The following FANCA variants were observed in gnomAD, a reference collection of about 807,000 sequenced individuals.
FANCA encodes the protein FA complementation group A.
A neutral mutation model predicts 194.3 loss-of-function variants in FANCA; 236 were observed. That is an observed-to-expected ratio of 1.21 (90% CI 1.09 to 1.35). The LOEUF is 1.35. Among genes scored for constraint, FANCA ranks in the 40% most tolerant of loss-of-function variants. The pLI is 0.00. For synonymous variants in FANCA, 1,014 were observed against 715.8 expected, an observed-to-expected ratio of 1.42 and a Z score of -6.65; for missense variants, 2,628 against 1,813.9, an observed-to-expected ratio of 1.45 and a Z score of -8.15.
rs2040858864 is a variant in FANCA, at chr16:89,811,015, C to G, written c.340G>C (p.Ala114Pro). ...RLGVPVGILSAGMVASSVGQI... is the reference protein window; with the variant it reads ...RLGVPVGILSPGMVASSVGQI... ...CCCACGCTAGAGGCAACCATCCCGG[C>G]TGAGAGAATACCCACGGGAACCCCC... is the stretch of plus-strand genomic sequence containing the variant. Residue 114 changes from alanine to proline, a missense_variant, in exon 4 of 43, where the codon GCC becomes CCC. Physicochemically the swap from Ala to Pro is conservative, Grantham distance 27. Transcript: ENST00000389301. The G allele has an allele frequency of 6.2e-7, 1 of 1,614,076 alleles. No homozygotes were observed. Among genetic ancestry groups the G allele is most frequent in the Non-Finnish European group, 8.5e-7 (1 of 1,180,034 alleles).
chr16:89,759,518 T>G (rs1459420394), intron 29 of FANCA, among the ~76,000 whole-genome samples: 1 of 151,730 alleles, frequency 6.6e-6, no homozygotes, highest in South Asian at 2.1e-4. Context: ...CCCAGCACTG[T>G]GGGAGGCCAA....
At chr16:89,744,210 C>G (rs2062195113) in intron 36 of FANCA, among the ~76,000 whole-genome samples, 1 of 152,190 alleles carries the variant, frequency 6.6e-6, no homozygotes, top group African/African-American at 2.4e-5. Context: ...TCTCTTCTTT[C>G]AGCAGACGGC....
intron 28 of FANCA, among the ~76,000 whole-genome samples, chr16:89,764,436 G>C (rs1046607745): frequency 6.6e-5 from 10 of 152,030 alleles, no homozygotes; most frequent in African/African-American, 2.4e-4. Context: ...CTCCCAAGTA[G>C]CTGGAACCAA....
intron 10 of FANCA, among the ~76,000 whole-genome samples, chr16:89,796,554 G>T (rs1004191123): frequency 9.2e-5 from 14 of 152,160 alleles, no homozygotes; most frequent in Non-Finnish European, 1.3e-4. Context: ...GAGAGAACAC[G>T]ATGTTCTGGG....
chr16:89,768,840 C>G (rs370948131), intron 26 of FANCA, among the ~76,000 whole-genome samples: 6 of 152,182 alleles, frequency 3.9e-5, no homozygotes, highest in African/African-American at 1.4e-4. Flanking sequence ...CTGTCTCCCC[C>G]AAGCCACCTG....
intron 30 of FANCA, among the ~76,000 whole-genome samples, chr16:89,754,982 C>T (rs1041898503): frequency 1.3e-5 from 2 of 152,124 alleles, no homozygotes; most frequent in African/African-American, 2.4e-5. Context: ...TCACACTTCC[C>T]AATTTTAAAA....
chr16:89,799,631 A>T lies in FANCA; in HGVS notation c.800T>A (p.Val267Asp). The T allele has an allele frequency of 6.2e-7, 1 of 1,613,376 alleles. No homozygotes were observed. The highest frequency in any genetic ancestry group is 8.5e-7 in the Non-Finnish European group (1 of 1,179,322). Residue 267 changes from valine to aspartate, a missense_variant, in exon 9 of 43, where the codon GTT becomes GAT. Coordinates refer to ENST00000389301, the MANE Select transcript of FANCA (RefSeq NM_000135.4). The part of the protein sequence containing the change: ...VEPEKMPQVT[V>D]DVLQRMLIFA... ...AATCAGCATTCTCTGCAGTACATCAACCGTGACCTGTCAAAATAGAATGTG... is the reference window on the plus strand; with the variant it reads ...AATCAGCATTCTCTGCAGTACATCATCCGTGACCTGTCAAAATAGAATGTG...
At chr16:89,757,802 C>T (rs1299837500) in intron 30 of FANCA, among the ~76,000 whole-genome samples, 1 of 152,238 alleles carries the variant, frequency 6.6e-6, no homozygotes, top group African/African-American at 2.4e-5. Context: ...CCAGGATCTA[C>T]TAGGCCATTT....
intron 6 of FANCA, among the ~76,000 whole-genome samples, 156 bp downstream of exon 6, chr16:89,808,138 G>C (rs924215361): frequency 2.0e-4 from 30 of 152,090 alleles, no homozygotes; most frequent in Admixed American, 2.0e-3. Context: ...AGTTCCTCCA[G>C]GTCTAGTCTA....
intron 14 of FANCA, 34 bp from the exon 15 acceptor site, chr16:89,784,998 G>A: frequency 6.7e-7 from 1 of 1,503,404 alleles, no homozygotes; most frequent in Non-Finnish European, 9.3e-7. Flanking sequence ...GCCCAGGACA[G>A]CCAGGCGCGG....
intron 29 of FANCA, among the ~76,000 whole-genome samples, chr16:89,761,420 G>GAAAAAAA (rs56659330): frequency 3.1e-5 from 3 of 95,708 alleles, no homozygotes; most frequent in Non-Finnish European, 4.4e-5. Context: ...CTCTGTCTCA[G>GAAAAAAA]AAAAAAAAAA....
At chr16:89,758,479 T>C (rs1269877469) in intron 30 of FANCA, 98 bp downstream of exon 30, 34 of 1,472,054 alleles carry the variant, frequency 2.3e-5, no homozygotes, top group Non-Finnish European at 3.2e-5. Context: ...CACCCTAAGC[T>C]AATTAGATGG....
intron 21 of FANCA, among the ~76,000 whole-genome samples, chr16:89,773,605 T>C (rs1403470813): frequency 6.6e-6 from 1 of 151,894 alleles, no homozygotes; most frequent in African/African-American, 2.4e-5. Context: ...CATAAAAAAT[T>C]ACATTTATAA....
chr16:89,800,651 G>A (rs536991420), intron 8 of FANCA, among the ~76,000 whole-genome samples: 1 of 152,172 alleles, frequency 6.6e-6, no homozygotes, highest in Non-Finnish European at 1.5e-5. Flanking sequence ...CACTGCCTGA[G>A]GTCAAAATAT....
chr16:89,797,051 T>G (rs1450619521), intron 10 of FANCA, among the ~76,000 whole-genome samples: 1 of 152,048 alleles, frequency 6.6e-6, no homozygotes, highest in African/African-American at 2.4e-5. Context: ...TTCCAGCTAC[T>G]CGGGAGACTG....
chr16:89,782,925 G>A lies in FANCA; in HGVS notation c.1567-7C>T, dbSNP rs780475585. ...CCATGTTTTCTATAGAAACCTTCAG[G>A]GAAGACACAGAATGAGAACAAGAAA... On this transcript the variant is annotated splice_region_variant and splice_polypyrimidine_tract_variant and intron_variant, in intron 16 of 42. Transcript: ENST00000389301. The A allele has an allele frequency of 3.7e-6, 6 of 1,613,942 alleles. No homozygotes were observed. Among genetic ancestry groups the A allele is most frequent in the South Asian group, 1.1e-5 (1 of 91,078 alleles).
chr16:89,738,386 T>C lies in FANCA; in HGVS notation c.*215A>G. The C allele has an allele frequency of 7.1e-7, 1 of 1,402,726 alleles. No homozygotes were observed. Among genetic ancestry groups the C allele is most frequent in the Non-Finnish European group, 9.6e-7 (1 of 1,045,804 alleles). The allele number at this position is 1,402,726 out of a possible 1,614,324, so 86.9% of individuals were successfully genotyped here. ...GCTGGAGGCGGGCTTGGTGTCCGGC[T>C]CAAGTAGCCTTCCTCTGCTCTGGGA... On this transcript the variant is annotated 3_prime_UTR_variant, in exon 43 of 43. Coordinates refer to ENST00000389301, the MANE Select transcript of FANCA (RefSeq NM_000135.4).
chr16:89,761,166 T>C (rs1033565203), intron 29 of FANCA, among the ~76,000 whole-genome samples: 1 of 152,192 alleles, frequency 6.6e-6, no homozygotes, highest in Non-Finnish European at 1.5e-5. Context: ...ACGCCTGTAA[T>C]GCCAGCACTT....
In FANCA at chr16:89,748,776, A is replaced by G. The variant is rs746252947; in HGVS notation, c.3240-9T>C. On this transcript the variant is annotated splice_polypyrimidine_tract_variant and intron_variant, in intron 32 of 42. Coordinates refer to ENST00000389301, the MANE Select transcript of FANCA (RefSeq NM_000135.4). ...GCAGGCGGAGGAGGATCCTGGAAAG[A>G]AGGGGCTGTATTGGTGGCGACAGCA... is the stretch of plus-strand genomic sequence containing the variant. The G allele has an allele frequency of 6.2e-7, 1 of 1,612,342 alleles. No homozygotes were observed. The highest frequency in any genetic ancestry group is 1.1e-5 in the South Asian group (1 of 91,004).
Sources: gnomAD v4.1 joint callset for allele counts (sites outside exome capture counted in the v4.1 genomes callset) on GRCh38, gnomAD v4.1.1 for gene constraint, MANE v1.5 for transcripts, NCBI Gene and HGNC (gene_info 2026-07-23, HGNC 2026-07-21) for gene names.